Variants in ZFHX3 observed in about 807,000 individuals in gnomAD.
ZFHX3 encodes the protein zinc finger homeobox protein 3.
Under a neutral mutation model 279.1 loss-of-function variants are expected in ZFHX3, and 42 were observed. The ratio of observed to expected loss-of-function variants is 0.15; its 90% CI spans 0.12 to 0.19. ZFHX3 has a LOEUF of 0.19. Among genes scored for constraint, ZFHX3 ranks in the 10% least tolerant of loss-of-function variants. The pLI is 1.00. For synonymous variants in ZFHX3, 2,293 were observed against 1,957.8 expected (o/e 1.17, Z -4.52); for missense variants, 4,981 against 4,754.0 (o/e 1.05, Z -1.40).
chr16:72,829,481 A>C (rs2037014523), intron 5 of ZFHX3: 1 of 345,058 alleles, frequency 2.9e-6, no homozygotes, highest in African/African-American at 2.1e-5. Flanking sequence ...ACCAACACCC[A>C]GATGCCCTTG....
At chr16:73,606,098 C>T (rs938711408) in intron 2 of ZFHX3, among the ~76,000 whole-genome samples, 4 of 134,378 alleles carry the variant, frequency 3.0e-5, no homozygotes, top group African/African-American at 8.6e-5. Context: ...TGGAGAACGG[C>T]GTGAACCCGG....
At chr16:73,676,714 A>T (rs368637921) in intron 2 of ZFHX3, among the ~76,000 whole-genome samples, 1 of 152,098 alleles carries the variant, frequency 6.6e-6, no homozygotes. Context: ...ATTATGTATC[A>T]ATTAGAAGAA....
At chr16:73,556,447 A>C (rs932271386) in intron 2 of ZFHX3, among the ~76,000 whole-genome samples, 1 of 152,236 alleles carries the variant, frequency 6.6e-6, no homozygotes, top group Non-Finnish European at 1.5e-5. Context: ...AGAGGCAGTC[A>C]GAGAGCTGTC....
chr16:73,176,914 T>G (rs182088167), intron 5 of ZFHX3, among the ~76,000 whole-genome samples: 3 of 152,110 alleles, frequency 2.0e-5, no homozygotes, highest in Non-Finnish European at 4.4e-5. Context: ...GCCTTCATCA[T>G]TTCATCTTCG....
rs762219131 is a variant in ZFHX3, at chr16:72,788,692, G to GA, written c.9583_9584insT (p.Pro3195LeufsTer44). ...CTGCTGCTGCTGCTGCTGCTGGGGG[G>GA]GTTGCTGAGGGCCCATCGCCATCGT... On this transcript the variant is annotated frameshift_variant, in exon 10 of 10. Transcript: ENST00000268489. LOFTEE classifies it high-confidence loss of function. 4.7e-4 allele frequency: 758 copies of GA among 1,612,822 alleles called. 4 individuals are homozygous for GA. The East Asian group carries it at 8.4e-3, about 18-fold the overall frequency.
At chr16:73,120,857 T>C (rs1323968440) in intron 7 of ZFHX3, among the ~76,000 whole-genome samples, 1 of 151,964 alleles carries the variant, frequency 6.6e-6, no homozygotes, top group Non-Finnish European at 1.5e-5. Context: ...GATTTCACCG[T>C]GTTAGCCAGC....
intron 2 of ZFHX3, among the ~76,000 whole-genome samples, chr16:73,509,474 T>C (rs2143683167): frequency 6.6e-6 from 1 of 151,390 alleles, no homozygotes; most frequent in East Asian, 2.0e-4. Context: ...ACTTCCCTTC[T>C]TACCACTCCC....
intron 2 of ZFHX3, among the ~76,000 whole-genome samples, chr16:73,600,105 T>C (rs2052095930): frequency 6.6e-6 from 1 of 152,208 alleles, no homozygotes. Flanking sequence ...AGATGTTCTT[T>C]GTATCAGAAT....
At chr16:72,998,788 T>C (rs1309653556) in intron 1 of ZFHX3, among the ~76,000 whole-genome samples, 1 of 152,228 alleles carries the variant, frequency 6.6e-6, no homozygotes. Flanking sequence ...TTAACAATTA[T>C]ATTTGGGTGA....
intron 2 of ZFHX3, among the ~76,000 whole-genome samples, chr16:73,529,371 T>C (rs2019752305): frequency 1.3e-5 from 2 of 152,138 alleles, no homozygotes; most frequent in African/African-American, 4.8e-5. Context: ...ATAAAAAATA[T>C]TGTGTCCGTT....
exon 7 of ZFHX3, chr16:73,131,056 C>A (rs1966670694): frequency 8.3e-7 from 1 of 1,198,522 alleles, no homozygotes; most frequent in South Asian, 1.3e-5. Flanking sequence ...CTGTCCCTTG[C>A]TGGCTCTTGT....
At chr16:73,876,362 G>A (rs2029947561) in intron 1 of ZFHX3, among the ~76,000 whole-genome samples, 1 of 152,182 alleles carries the variant, frequency 6.6e-6, no homozygotes, top group African/African-American at 2.4e-5. Context: ...TAAAGAGTAT[G>A]TTAACACGAT....
At chr16:73,133,882 A>C (rs1966741222) in intron 6 of ZFHX3, among the ~76,000 whole-genome samples, 1 of 152,202 alleles carries the variant, frequency 6.6e-6, no homozygotes. Flanking sequence ...AAGTGCCTGC[A>C]TTTTAATATG....
chr16:73,713,984 G>A (rs16972348), intron 1 of ZFHX3, among the ~76,000 whole-genome samples: 3,325 of 152,190 alleles, frequency 0.022, 141 homozygotes, highest in African/African-American at 0.076. Context: ...GCAGATCACC[G>A]ATACCCAGCG....
intron 5 of ZFHX3, among the ~76,000 whole-genome samples, chr16:73,230,489 G>T (rs2012739450): frequency 6.6e-6 from 1 of 152,226 alleles, no homozygotes; most frequent in South Asian, 2.1e-4. Context: ...ATCCTCCCTA[G>T]TGCCCCATTC....
intron 4 of ZFHX3, among the ~76,000 whole-genome samples, chr16:72,843,477 C>G (rs976595138): frequency 3.5e-5 from 5 of 142,874 alleles, no homozygotes; most frequent in Admixed American, 7.3e-5. Context: ...CGCCACTGCA[C>G]TCCATCCAGC....
At chr16:73,640,247 C>G (rs562698841) in intron 2 of ZFHX3, among the ~76,000 whole-genome samples, 1 of 152,224 alleles carries the variant, frequency 6.6e-6, no homozygotes, top group East Asian at 1.9e-4. Context: ...TCAACAGTAT[C>G]CAAAAAGAGA....
chr16:73,721,780 C>T (rs769473795), intron 1 of ZFHX3, among the ~76,000 whole-genome samples: 9 of 152,150 alleles, frequency 5.9e-5, no homozygotes, highest in Non-Finnish European at 1.3e-4. Context: ...CACAATGGCT[C>T]ACACTGGTTA....
At chr16:73,741,386 G>A (rs1434891690) in intron 1 of ZFHX3, among the ~76,000 whole-genome samples, 1 of 152,126 alleles carries the variant, frequency 6.6e-6, no homozygotes, top group African/African-American at 2.4e-5. Context: ...TCAAGTTCAT[G>A]CTCTACCTAA....
Sources: allele counts gnomAD v4.1 joint callset (sites outside exome capture counted in the v4.1 genomes callset), GRCh38; gene constraint gnomAD v4.1.1; transcripts MANE v1.5; gene names NCBI Gene and HGNC (gene_info 2026-07-23, HGNC 2026-07-21).